Variants in TM7SF3 observed in about 807,000 individuals in gnomAD.
TM7SF3 encodes seven span transmembrane protein.
In TM7SF3, 60 loss-of-function variants were observed where a neutral mutation model predicts 65.5. The observed-to-expected ratio is 0.92, with a 90% CI of 0.74 to 1.14. The LOEUF (loss-of-function observed/expected upper bound fraction) is 1.14, where lower values mean the gene tolerates loss of function less well. Ranked by LOEUF, TM7SF3 falls within the 50% of genes most tolerant of loss-of-function variation. The pLI is 0.00. For synonymous variants in TM7SF3, 264 were observed against 259.6 expected, an observed-to-expected ratio of 1.02 and a Z score of -0.16; for missense variants, 623 against 684.8, an observed-to-expected ratio of 0.91 and a Z score of 1.01.
chr12:26,972,858 TG>T lies in TM7SF3; in HGVS notation c.*1106del, dbSNP rs1939417156. On this transcript the variant is annotated 3_prime_UTR_variant, in exon 12 of 12. Coordinates refer to ENST00000343028, the MANE Select transcript of TM7SF3 (RefSeq NM_016551.3). Reference sequence around the variant, plus strand: ...CTGTTGACACTATTTGAAAAGGCCTTGAAAAAAAAAAGGGGGCCATTATTTG... The same window carrying T: ...CTGTTGACACTATTTGAAAAGGCCTTAAAAAAAAAAGGGGGCCATTATTTG... Among the ~76,000 whole-genome samples the T allele has an allele frequency of 6.6e-6, 1 of 150,534 alleles. No homozygotes were observed. The highest frequency in any genetic ancestry group is 1.5e-5 in the Non-Finnish European group (1 of 67,618).
At chr12:26,978,178 TAAAC>T (rs1301944193) in intron 9 of TM7SF3, 1 of 332,206 alleles carries the variant, frequency 3.0e-6, no homozygotes, top group Non-Finnish European at 6.0e-6. Context: ...AGATAGTTCA[TAAAC>T]AAACATATAT....
chr12:26,991,025 C>T (rs116724039), intron 5 of TM7SF3, among the ~76,000 whole-genome samples: 1 of 152,292 alleles, frequency 6.6e-6, no homozygotes, highest in African/African-American at 2.4e-5. Flanking sequence ...CCAATGTTAG[C>T]CACAGACTAA....
chr12:26,976,189 A>G, intron 10 of TM7SF3, 71 bp downstream of exon 10: 1 of 1,186,372 alleles, frequency 8.4e-7, no homozygotes, highest in South Asian at 1.3e-5. Context: ...ATGCAAAATG[A>G]TGAAATAAGT....
chr12:26,983,250 T>C (rs1039539202), intron 6 of TM7SF3, among the ~76,000 whole-genome samples: 1 of 16,252 alleles, frequency 6.2e-5, no homozygotes. Flanking sequence ...GTGGTGGGGG[T>C]GGGTGGAGGG....
chr12:26,977,764 TAATGTG>T (rs988615474), intron 9 of TM7SF3, among the ~76,000 whole-genome samples: 3 of 94,906 alleles, frequency 3.2e-5, no homozygotes, highest in Non-Finnish European at 4.3e-5. Context: ...AGGAAAAAAA[TAATGTG>T]TGTGTGTGTG....
chr12:27,006,593 T>A (rs1415001078), intron 1 of TM7SF3, among the ~76,000 whole-genome samples: 2 of 150,288 alleles, frequency 1.3e-5, no homozygotes, highest in Non-Finnish European at 2.9e-5. Flanking sequence ...AGGTGCTAAA[T>A]AAACAGAAAG....
At chr12:27,013,262 G>C (rs1941318998) in intron 1 of TM7SF3, among the ~76,000 whole-genome samples, 1 of 152,164 alleles carries the variant, frequency 6.6e-6, no homozygotes, top group South Asian at 2.1e-4. Context: ...ATATCTCATA[G>C]AGATCTATTT....
chr12:26,999,985 C>T (rs1264543649), intron 2 of TM7SF3, among the ~76,000 whole-genome samples: 2 of 152,154 alleles, frequency 1.3e-5, no homozygotes, highest in South Asian at 2.1e-4. Context: ...TTCATGATAG[C>T]GGTGCCAACA....
rs544346343 is a variant in TM7SF3 at position 26,990,535 on chromosome 12, C to G, written c.783G>C (p.Pro261=). The G allele has an allele frequency of 6.2e-7, 1 of 1,613,956 alleles. No homozygotes were observed. The highest frequency in any genetic ancestry group is 2.2e-5 in the East Asian group (1 of 44,874). ...TGTAGGCAGCAGATGTATTTAGAAACGGGTCCCAAACAATGACATTGTATA... is the reference window on the plus strand; with the variant it reads ...TGTAGGCAGCAGATGTATTTAGAAAGGGGTCCCAAACAATGACATTGTATA... ...GVIYNVIVWD[P]FLNTSAAYIP... is the part of the protein sequence containing the mutation. The change falls in exon 6 of 12, where the codon CCG becomes CCC. Residue 261 remains proline, a synonymous_variant. Transcript: ENST00000343028.
chr12:26,990,407 A>T, intron 6 of TM7SF3, 43 bp downstream of exon 6: 1 of 1,465,382 alleles, frequency 6.8e-7, no homozygotes. Context: ...ATTATCTGCA[A>T]GGCCAAAGGA....
Position 26,980,634 on chromosome 12 carries a change from A to G in TM7SF3, c.968T>C (p.Ile323Thr). Residue 323 changes from isoleucine (I) to threonine (T), a missense_variant, in exon 8 of 12, where the codon ATA (isoleucine) becomes ACA (threonine). Transcript: ENST00000343028. ...HRFWKTELFF[I>T]GFIIMGFFFY... is the part of the protein sequence containing the mutation. ...GAAGAATCCCATGATGATAAAGCCT[A>G]TGAAGAATAATTCTAAGTGGCAAAC... 1 of 1,567,428 alleles carries G rather than the reference A, an allele frequency of 6.4e-7. No individual in the cohort carries two copies. Among genetic ancestry groups the G allele is most frequent in the Non-Finnish European group, 8.7e-7 (1 of 1,148,538 alleles).
chr12:26,980,505 GA>G, intron 8 of TM7SF3, 60 bp downstream of exon 8: 1 of 856,996 alleles, frequency 1.2e-6, no homozygotes, highest in South Asian at 1.4e-5. Context: ...AAGGAAAGGT[GA>G]AGTAAAACAC....
Position 27,003,334 on chromosome 12 carries a change from G to C in TM7SF3, c.148C>G (p.Pro50Ala). 6.2e-7 allele frequency: 1 copy of C among 1,613,678 alleles called. No individual in the cohort carries two copies. Among genetic ancestry groups the C allele is most frequent in the East Asian group, 2.2e-5 (1 of 44,856 alleles). Residue 50 changes from proline (P) to alanine (A), a missense_variant, in exon 2 of 12, where the codon CCA becomes GCA. Physicochemically the swap from Pro to Ala is conservative, Grantham distance 27. Transcript: ENST00000343028. Reference protein sequence around the residue: ...FRYFELNRPFPEEAILHDISS... With the variant: ...FRYFELNRPFAEEAILHDISS... ...ATATCATGCAAAATAGCTTCCTCTG[G>C]AAAGGGCCTATTGAGCTCGAAGTAT...
intron 6 of TM7SF3, 115 bp downstream of exon 6, chr12:26,990,335 A>G: frequency 1.4e-6 from 1 of 713,728 alleles, no homozygotes; most frequent in Non-Finnish European, 2.3e-6. Flanking sequence ...CCTAGAACAG[A>G]GAGTGGAATA....
chr12:26,987,873 A>C (rs891408889), intron 6 of TM7SF3, among the ~76,000 whole-genome samples: 1 of 152,190 alleles, frequency 6.6e-6, no homozygotes, highest in Admixed American at 6.5e-5. Flanking sequence ...ACCACCAGTA[A>C]AGAGACAAAT....
chr12:27,005,198 A>G (rs1940983558), intron 1 of TM7SF3, among the ~76,000 whole-genome samples: 1 of 152,182 alleles, frequency 6.6e-6, no homozygotes. Flanking sequence ...TCCCACCCGT[A>G]TTGGCAGTAT....
intron 6 of TM7SF3, among the ~76,000 whole-genome samples, chr12:26,989,007 C>G (rs1269425031): frequency 1.3e-5 from 2 of 152,168 alleles, no homozygotes; most frequent in African/African-American, 4.8e-5. Flanking sequence ...TTACTTTTCT[C>G]TAGCTCATTT....
At position 26,975,669 on chromosome 12, in the gene TM7SF3, G is replaced by C. The variant is rs754514893; in HGVS notation, c.1288-11C>G. ...AGTCAGTATGTTCAGCTGTGGAAGAGTGGAAGAGTTTAGGCATCATCCATG... is the reference window on the plus strand; with the variant it reads ...AGTCAGTATGTTCAGCTGTGGAAGACTGGAAGAGTTTAGGCATCATCCATG... On this transcript the variant is annotated splice_polypyrimidine_tract_variant and intron_variant, in intron 10 of 11. Coordinates refer to ENST00000343028, the MANE Select transcript of TM7SF3 (RefSeq NM_016551.3). 1.2e-6 allele frequency: 2 copies of C among 1,613,362 alleles called. No homozygotes were observed. The highest frequency in any genetic ancestry group is 1.7e-6 in the Non-Finnish European group (2 of 1,179,636).
intron 1 of TM7SF3, among the ~76,000 whole-genome samples, chr12:27,004,589 G>A (rs1208220116): frequency 2.0e-5 from 3 of 149,772 alleles, no homozygotes; most frequent in East Asian, 2.0e-4. Context: ...TTTTTAATAC[G>A]AAAGCTCCAC....
Sources: allele counts gnomAD v4.1 joint callset (sites outside exome capture counted in the v4.1 genomes callset), GRCh38; gene constraint gnomAD v4.1.1; transcripts MANE v1.5; gene names NCBI Gene and HGNC (gene_info 2026-07-23, HGNC 2026-07-21).